TCFL5: variants seen among roughly 807,000 people sequenced by gnomAD.
The protein encoded by TCFL5 is transcription factor like 5.
TCFL5 carries 9 observed loss-of-function variants against 44.3 expected under a neutral mutation model. The observed-to-expected ratio is 0.20, with a 90% CI of 0.12 to 0.35. The LOEUF (loss-of-function observed/expected upper bound fraction) is 0.35, where lower values mean the gene tolerates loss of function less well. Among genes scored for constraint, TCFL5 ranks in the 10% least tolerant of loss-of-function variants. The pLI is 1.00. For synonymous variants in TCFL5, 319 were observed against 271.6 expected (o/e 1.17, Z -1.72); for missense variants, 603 against 613.4 (o/e 0.98, Z 0.18).
intron 3 of TCFL5, among the ~76,000 whole-genome samples, chr20:62,858,851 G>C (rs996602565): frequency 2.0e-5 from 3 of 151,218 alleles, no homozygotes; most frequent in African/African-American, 7.3e-5. Flanking sequence ...CTACGCAGGT[G>C]TTTCCCAGGG....
intron 5 of TCFL5, among the ~76,000 whole-genome samples, chr20:62,853,469 C>T (rs926542860): frequency 3.9e-5 from 6 of 152,078 alleles, no homozygotes; most frequent in South Asian, 2.1e-4. Flanking sequence ...TCCCAGCCCC[C>T]GCCCCGAGCA....
At chr20:62,855,688 C>G (rs1482714624) in intron 4 of TCFL5, among the ~76,000 whole-genome samples, 1 of 152,060 alleles carries the variant, frequency 6.6e-6, no homozygotes, top group South Asian at 2.1e-4. Flanking sequence ...ATCGCTTGAA[C>G]CTGGGAGGCG....
chr20:62,852,058 G>A (rs757279095), intron 5 of TCFL5: 14 of 983,632 alleles, frequency 1.4e-5, no homozygotes, highest in East Asian at 2.3e-4. Flanking sequence ...CACCCGCCTC[G>A]GCCTCCCAAG....
intron 5 of TCFL5, chr20:62,845,405 G>C (rs1181182186): frequency 1.6e-6 from 2 of 1,217,590 alleles, no homozygotes; most frequent in Non-Finnish European, 1.0e-6. Context: ...TTACAGGCGT[G>C]AGCTACGACG....
At position 62,857,602 on chromosome 20, in the gene TCFL5, C is replaced by A. The variant is rs528649129; in HGVS notation, c.1031G>T (p.Arg344Leu). 3.0e-5 allele frequency: 49 copies of A among 1,614,108 alleles called. No homozygotes were observed. The highest frequency in any genetic ancestry group is 2.5e-6 in the Non-Finnish European group (3 of 1,180,048). The change falls in exon 4 of 6, where the codon CGG becomes CTG. Residue 344 changes from arginine to leucine, a missense_variant. By Grantham distance (102) the Arg-to-Leu change is moderately radical. Coordinates refer to ENST00000335351, the MANE Select transcript of TCFL5 (RefSeq NM_006602.4). Reference sequence around the variant, plus strand: ...TGTGTCCAACTGACGCATTCTACTCCGATTCCTCTTCAGTGCTTGTTTGCA... The same window carrying A: ...TGTGTCCAACTGACGCATTCTACTCAGATTCCTCTTCAGTGCTTGTTTGCA... ...ALCKQALKRN[R>L]SRMRQLDTNV...
intron 5 of TCFL5, chr20:62,845,606 C>T (rs944991803): frequency 6.3e-7 from 1 of 1,578,430 alleles, no homozygotes; most frequent in African/African-American, 1.3e-5. Flanking sequence ...AGAAGTTAGA[C>T]CCTCGGAGCT....
At position 62,842,225 on chromosome 20, in the gene TCFL5, T is replaced by C; in HGVS notation, c.1381-128A>G. The C allele has an allele frequency of 8.2e-7, 1 of 1,222,822 alleles. No homozygotes were observed. Among genetic ancestry groups the C allele is most frequent in the Non-Finnish European group, 1.1e-6 (1 of 886,114 alleles). The allele number at this position is 1,222,822 out of a possible 1,614,324, so 75.7% of individuals were successfully genotyped here. A position where few individuals can be genotyped will look rare whatever the true frequency, so the allele number is the denominator to read the frequency against. ...TAGAATACGCTGTTTTAAGGTGTCA[T>C]TCACAAACTTGTGTCTTACCTCACA... On this transcript the variant is annotated intron_variant, in intron 5 of 5. Transcript: ENST00000335351. This position sits in a 1 kb window ranked among gnomAD's most constrained non-coding sequence, Gnocchi z 4.3.
Position 62,846,169 on chromosome 20 carries a change from T to A in TCFL5, c.1381-4072A>T, listed in dbSNP as rs189100120. 129 of 1,158,762 alleles carry A rather than the reference T, an allele frequency of 1.1e-4. No homozygotes were observed. In the African/African-American group the frequency reaches 1.8e-3, roughly 16 times the overall value. 71.8% of individuals were successfully genotyped at this position (1,158,762 alleles called of 1,614,324 possible). On this transcript the variant is annotated intron_variant, in intron 5 of 5. Coordinates refer to ENST00000335351, the MANE Select transcript of TCFL5 (RefSeq NM_006602.4). The stretch of plus-strand genomic sequence containing the variant: ...CCATCTAAATTTAAAAGACGATAAT[T>A]TAAAAAAAAAGAAGGAAGGAAGAAA...
At chr20:62,858,620 G>A (rs2063933272) in intron 3 of TCFL5, among the ~76,000 whole-genome samples, 1 of 151,720 alleles carries the variant, frequency 6.6e-6, no homozygotes, top group East Asian at 1.9e-4. Flanking sequence ...AGTTTCCCAG[G>A]GAGGAAGGGG....
intron 5 of TCFL5, among the ~76,000 whole-genome samples, chr20:62,853,812 G>C (rs992490806): frequency 1.3e-5 from 2 of 152,216 alleles, no homozygotes; most frequent in Non-Finnish European, 2.9e-5. Context: ...TACACACTGA[G>C]TGTAACACAT....
At chr20:62,855,597 C>T (rs748961817) in intron 4 of TCFL5, among the ~76,000 whole-genome samples, 2 of 152,062 alleles carry the variant, frequency 1.3e-5, no homozygotes, top group Admixed American at 1.3e-4. Context: ...AGAAACCCCT[C>T]CTGTACTAAA....
Position 62,861,027 on chromosome 20 carries a change from T to C in TCFL5, c.644A>G (p.Asn215Ser). Residue 215 changes from asparagine (N) to serine (S), a missense_variant, in exon 1 of 6, where the codon AAC becomes AGC. Asn to Ser is a conservative substitution (Grantham distance 46). This residue lies in a region of TCFL5 where 540 missense variants were observed against 478.7 expected (regional missense o/e 1.13). Transcript: ENST00000335351. The surrounding 1 kb of genome is among the most constrained non-coding windows in gnomAD (Gnocchi z 4.0). ...PEPPEPGGAL[N>S]NLVTLIRHPS... is the part of the protein sequence containing the mutation. ...CCCCCGGCCGCCGGGCACGCACTTG[T>C]TGAGCGCCCCGCCCGGCTCGGGGGG... is the stretch of plus-strand genomic sequence containing the variant. 6.0e-6 allele frequency: 6 copies of C among 993,716 alleles called. No homozygotes were observed. Among genetic ancestry groups the C allele is most frequent in the Non-Finnish European group, 7.2e-6 (6 of 836,638 alleles). The allele number at this position is 993,716 out of a possible 1,614,324, so 61.6% of individuals were successfully genotyped here.
At chr20:62,846,089 A>G (rs1256793208) in intron 5 of TCFL5, 1 of 1,319,058 alleles carries the variant, frequency 7.6e-7, no homozygotes, top group African/African-American at 1.5e-5. Flanking sequence ...AGTCCATAAC[A>G]TGACGTATCT....
intron 5 of TCFL5, chr20:62,845,551 C>G (rs924998675): frequency 2.0e-6 from 3 of 1,467,686 alleles, no homozygotes; most frequent in African/African-American, 1.4e-5. Context: ...TAGAATTCAC[C>G]TTTCAGGACA....
At chr20:62,848,058 G>A (rs1422616509) in intron 5 of TCFL5, among the ~76,000 whole-genome samples, 1 of 152,240 alleles carries the variant, frequency 6.6e-6, no homozygotes, top group East Asian at 1.9e-4. Context: ...AAGGATCACG[G>A]GAGAAGTCAC....
At position 62,842,454 on chromosome 20, in the gene TCFL5, TAG is replaced by T. The variant is rs1291130146; in HGVS notation, c.1381-359_1381-358del. Among the ~76,000 whole-genome samples the T allele has an allele frequency of 1.3e-5, 2 of 152,176 alleles. No individual in the cohort carries two copies. Among genetic ancestry groups the T allele is most frequent in the Admixed American group, 6.5e-5 (1 of 15,272 alleles). The stretch of plus-strand genomic sequence containing the variant: ...TGTAAACCCAGCGTGTGAGAGAAGG[TAG>T]AGTGTATATATTAAAACGTTTCAGG... On this transcript the variant is annotated intron_variant, in intron 5 of 5. Transcript: ENST00000335351. This position sits in a 1 kb window ranked among gnomAD's most constrained non-coding sequence, Gnocchi z 4.3.
chr20:62,847,453 C>A (rs557747342), intron 5 of TCFL5, among the ~76,000 whole-genome samples: 3 of 152,290 alleles, frequency 2.0e-5, no homozygotes, highest in Non-Finnish European at 1.5e-5. Flanking sequence ...ACATAAAAAA[C>A]CAACAAAGTG....
At chr20:62,852,643 A>AGTATATTCACCCGGTCCACAGAG (rs2147266831) in intron 5 of TCFL5, 2 of 974,882 alleles carry the variant, frequency 2.1e-6, no homozygotes, top group African/African-American at 4.1e-5. Context: ...AGTCCACAGA[A>AGTATATTCACCCGGTCCACAGAG]GTATATTCAC....
rs1349532975 is a variant in TCFL5 at position 62,841,653 on chromosome 20, A to AT, written c.*321dup. ...ATTAAAGAAAGTACAAAGGATGTCA[A>AT]TTTTTTAAGTTATCATGTTAAGAAA... On this transcript the variant is annotated 3_prime_UTR_variant, in exon 6 of 6. Transcript: ENST00000335351. The AT allele has an allele frequency of 5.4e-6, 1 of 184,306 alleles. No homozygotes were observed. Among genetic ancestry groups the AT allele is most frequent in the Non-Finnish European group, 1.1e-5 (1 of 89,564 alleles). 11.4% of individuals were successfully genotyped at this position (184,306 alleles called of 1,614,324 possible).
Sources: gnomAD v4.1 joint callset for allele counts (sites outside exome capture counted in the v4.1 genomes callset) on GRCh38, gnomAD v4.1.1 for gene constraint, gnomAD v4.1.1 regional missense constraint, Gnocchi (gnomAD v3.1) non-coding constraint, MANE v1.5 for transcripts, NCBI Gene and HGNC (gene_info 2026-07-23, HGNC 2026-07-21) for gene names.